The following DDX10 variants were observed in gnomAD, a reference collection of about 807,000 sequenced individuals.
The protein encoded by DDX10 is probable ATP-dependent RNA helicase DDX10.
DDX10 carries 74 observed loss-of-function variants against 104.3 expected under a neutral mutation model. The ratio of observed to expected loss-of-function variants is 0.71; its 90% confidence interval spans 0.59 to 0.86. The LOEUF (loss-of-function observed/expected upper bound fraction) is 0.86, where lower values mean the gene tolerates loss of function less well. Ranked by LOEUF, DDX10 falls within the 40% of genes least tolerant of loss-of-function variation. The pLI, the probability that DDX10 is intolerant of heterozygous loss-of-function variation, is 0.00. For synonymous variants in DDX10, 351 were observed against 353.4 expected (o/e 0.99, Z 0.08); for missense variants, 952 against 1,040.0 (o/e 0.92, Z 1.16).
At chr11:108,705,672 T>G (rs745418421) in intron 9 of DDX10, among the ~76,000 whole-genome samples, 2 of 152,252 alleles carry the variant, frequency 1.3e-5, no homozygotes, top group Middle Eastern at 3.2e-3. Flanking sequence ...GTTTATTTGC[T>G]TCTCACATTT....
Position 108,874,081 on chromosome 11 carries a change from T to A in DDX10, c.2304+21872T>A, listed in dbSNP as rs148084680. Among the ~76,000 whole-genome samples the A allele has an allele frequency of 2.5e-3, 386 of 152,280 alleles. 1 individual carries two copies. The highest frequency in any genetic ancestry group is 8.8e-3 in the African/African-American group (364 of 41,568). ...AAGGTATATTGCTTTGTGTTATGTTTTCACAAAAGTAGAAAAAACAATAAT... is the reference window on the plus strand; with the variant it reads ...AAGGTATATTGCTTTGTGTTATGTTATCACAAAAGTAGAAAAAACAATAAT... On this transcript the variant is annotated intron_variant, in intron 16 of 17. Coordinates refer to ENST00000322536, the MANE Select transcript of DDX10 (RefSeq NM_004398.4).
At position 108,779,146 on chromosome 11, in the gene DDX10, A is replaced by G. The variant is rs1442669817; in HGVS notation, c.1965+55684A>G. ...CAGTGTGGTGATTCCTCAGGGATCT[A>G]GAACTAGAAATACCATTTGACCCAG... On this transcript the variant is annotated intron_variant, in intron 13 of 17. Coordinates refer to ENST00000322536, the MANE Select transcript of DDX10 (RefSeq NM_004398.4). 3.3e-5 allele frequency among the ~76,000 whole-genome samples: 5 copies of G among 152,338 alleles called. No homozygotes were observed. In the East Asian group the frequency reaches 5.8e-4, roughly 18 times the overall value.
chr11:108,716,102 A>AT (rs879827183), intron 11 of DDX10, 136 bp downstream of exon 11: 12,827 of 482,236 alleles, frequency 0.027, 1 homozygote, highest in Middle Eastern at 0.045. Context: ...AGTCTAGCTT[A>AT]TTTTTTTTTT....
intron 16 of DDX10, among the ~76,000 whole-genome samples, chr11:108,878,703 G>A (rs576533811): frequency 5.9e-5 from 9 of 151,978 alleles, no homozygotes; most frequent in Non-Finnish European, 1.3e-4. Flanking sequence ...ATGAACTGCT[G>A]TGGTGAATAC....
At position 108,825,361 on chromosome 11, in the gene DDX10, G is replaced by A. The variant is rs78339659; in HGVS notation, c.1966-13085G>A. Reference sequence around the variant, plus strand: ...GATATTTAATTAAGGTGACAGGTACGCATGCTCGGGAAGTTAAAAAGCAAT... The same window carrying A: ...GATATTTAATTAAGGTGACAGGTACACATGCTCGGGAAGTTAAAAAGCAAT... On this transcript the variant is annotated intron_variant, in intron 13 of 17. Coordinates refer to ENST00000322536, the MANE Select transcript of DDX10 (RefSeq NM_004398.4). 3.9e-3 allele frequency among the ~76,000 whole-genome samples: 599 copies of A among 152,224 alleles called. 3 individuals are homozygous for A. The highest frequency in any genetic ancestry group is 0.014 in the African/African-American group (574 of 41,540).
rs1864092468 is a variant in DDX10, at chr11:108,940,353, C to A, written c.2558C>A (p.Pro853His). The stretch of plus-strand genomic sequence containing the variant: ...AAGGCCAGGTGGGACACTTTAGAGC[C>A]TTTGGATACCGGCCTGTCTTTAGCA... ...RKKARWDTLE[P>H]LDTGLSLAED... Residue 853 changes from proline to histidine, a missense_variant, in exon 18 of 18, where the codon CCT (proline) becomes CAT (histidine). Transcript: ENST00000322536. The A allele has an allele frequency of 1.2e-6, 2 of 1,614,030 alleles. No individual in the cohort carries two copies. The highest frequency in any genetic ancestry group is 2.2e-5 in the East Asian group (1 of 44,828).
chr11:108,675,118 G>T (rs1362638274), intron 2 of DDX10, among the ~76,000 whole-genome samples: 1 of 151,804 alleles, frequency 6.6e-6, no homozygotes, highest in Middle Eastern at 3.2e-3. Context: ...GTGTGTGTGT[G>T]TGTGTGTATG....
intron 6 of DDX10, among the ~76,000 whole-genome samples, chr11:108,681,210 T>C (rs2094234579): frequency 6.6e-6 from 1 of 152,198 alleles, no homozygotes. Flanking sequence ...CCCCAATTTC[T>C]GTAGGTAAGA....
rs560758328 is a variant in DDX10, at chr11:108,883,056, C to T, written c.2304+30847C>T. 9.9e-5 allele frequency among the ~76,000 whole-genome samples: 15 copies of T among 152,224 alleles called. 1 individual carries two copies. The South Asian group carries it at 2.3e-3, about 23-fold the overall frequency. ...AAAGGAGCAGGAAAGGGATATGTTACGGGGTTTTTCCCCCCTCTCTTGACA... is the reference window on the plus strand; with the variant it reads ...AAAGGAGCAGGAAAGGGATATGTTATGGGGTTTTTCCCCCCTCTCTTGACA... On this transcript the variant is annotated intron_variant, in intron 16 of 17. Transcript: ENST00000322536.
In DDX10 at chr11:108,874,634, A is replaced by G. The variant is rs2726918; in HGVS notation, c.2304+22425A>G. ...CCATCCTCCCACCTCAGTCTCCCAAAATGCTGGGACTACAAGTGACAGTTG... is the reference window on the plus strand; with the variant it reads ...CCATCCTCCCACCTCAGTCTCCCAAGATGCTGGGACTACAAGTGACAGTTG... On this transcript the variant is annotated intron_variant, in intron 16 of 17. Transcript: ENST00000322536. 2.0e-5 allele frequency among the ~76,000 whole-genome samples: 3 copies of G among 152,048 alleles called. No individual in the cohort carries two copies. The East Asian group carries it at 5.8e-4, about 29-fold the overall frequency.
chr11:108,788,470 C>A (rs938821696), intron 13 of DDX10, among the ~76,000 whole-genome samples: 15 of 152,068 alleles, frequency 9.9e-5, no homozygotes, highest in Non-Finnish European at 2.2e-4. Context: ...TCAAGCATTT[C>A]TCCTGCCTCA....
At chr11:108,870,801 G>A (rs1238217722) in intron 16 of DDX10, among the ~76,000 whole-genome samples, 1 of 152,150 alleles carries the variant, frequency 6.6e-6, no homozygotes, top group East Asian at 1.9e-4. Flanking sequence ...TCAGAACAGG[G>A]ACTTTGTTCT....
chr11:108,824,438 T>C (rs4237580), intron 13 of DDX10, among the ~76,000 whole-genome samples: 79,450 of 152,076 alleles, frequency 0.52, 21,702 homozygotes, highest in Non-Finnish European at 0.61. Flanking sequence ...TCTTTACTTT[T>C]AATGTTACTG....
At chr11:108,883,812 A>C (rs768194594) in intron 16 of DDX10, among the ~76,000 whole-genome samples, 5 of 152,178 alleles carry the variant, frequency 3.3e-5, no homozygotes, top group Non-Finnish European at 7.3e-5. Context: ...CCTTTGACAC[A>C]GTTGTCTGTT....
intron 16 of DDX10, among the ~76,000 whole-genome samples, chr11:108,908,118 C>G (rs1466032181): frequency 6.6e-6 from 1 of 152,042 alleles, no homozygotes; most frequent in Non-Finnish European, 1.5e-5. Flanking sequence ...ATTTTAATTT[C>G]TTCTCTAAAT....
intron 16 of DDX10, among the ~76,000 whole-genome samples, chr11:108,880,743 C>T (rs748488886): frequency 1.4e-4 from 22 of 152,058 alleles, no homozygotes; most frequent in Non-Finnish European, 2.9e-4. Flanking sequence ...TAACATAATC[C>T]GGGTCATTTG....
chr11:108,818,728 C>T (rs558162299), intron 13 of DDX10, among the ~76,000 whole-genome samples: 1 of 152,254 alleles, frequency 6.6e-6, no homozygotes, highest in South Asian at 2.1e-4. Flanking sequence ...TGAATGGTAC[C>T]GGTTAGGAAT....
intron 13 of DDX10, among the ~76,000 whole-genome samples, chr11:108,753,936 A>G (rs1480207773): frequency 6.6e-6 from 1 of 152,060 alleles, no homozygotes; most frequent in Non-Finnish European, 1.5e-5. Context: ...GTGTGTATAT[A>G]TAAAGTAACA....
intron 16 of DDX10, among the ~76,000 whole-genome samples, chr11:108,890,768 G>A (rs1863365453): frequency 6.6e-6 from 1 of 152,042 alleles, no homozygotes; most frequent in Non-Finnish European, 1.5e-5. Context: ...TAAAATAATG[G>A]GTAAATATAT....
Sources: gnomAD v4.1 joint callset for allele counts (sites outside exome capture counted in the v4.1 genomes callset) on GRCh38, gnomAD v4.1.1 for gene constraint, MANE v1.5 for transcripts, NCBI Gene and HGNC (gene_info 2026-07-23, HGNC 2026-07-21) for gene names.